HDAC9: variants seen among roughly 807,000 people sequenced by gnomAD.
HDAC9 encodes the protein histone deacetylase 9, also known as MEF-2 interacting transcription repressor (MITR) protein.
Under a neutral mutation model 139.4 loss-of-function variants are expected in HDAC9, and 41 were observed. The ratio of observed to expected loss-of-function variants is 0.29; its 90% CI spans 0.23 to 0.38. The LOEUF (loss-of-function observed/expected upper bound fraction) is 0.38. HDAC9 is among the 10% of genes least tolerant of loss of function. The pLI is 1.00. For missense variants in HDAC9, 1,147 were observed against 1,297.0 expected, an observed-to-expected ratio of 0.88 and a Z score of 1.78; for synonymous variants, 517 against 476.2, an observed-to-expected ratio of 1.09 and a Z score of -1.12.
chr7:18,881,180 T>A (rs1207040554), intron 22 of HDAC9, among the ~76,000 whole-genome samples: 2 of 152,156 alleles, frequency 1.3e-5, no homozygotes, highest in African/African-American at 4.8e-5. Context: ...CTGCTAACAA[T>A]GCGTGTACAT....
chr7:18,873,620 G>T (rs1176655263), intron 21 of HDAC9, among the ~76,000 whole-genome samples: 1 of 152,134 alleles, frequency 6.6e-6, no homozygotes, highest in East Asian at 1.9e-4. Context: ...CCACACAAGA[G>T]TGATTGTACT....
chr7:18,264,449 C>A (rs1385562867), intron 2 of HDAC9, among the ~76,000 whole-genome samples: 3 of 152,060 alleles, frequency 2.0e-5, no homozygotes, highest in Non-Finnish European at 4.4e-5. Context: ...GCAGGGTAAA[C>A]ATACATGTAT....
intron 7 of HDAC9, among the ~76,000 whole-genome samples, chr7:18,632,481 C>T (rs946361422): frequency 1.1e-4 from 16 of 151,860 alleles, no homozygotes; most frequent in Admixed American, 3.3e-4. Context: ...GAGGGACATA[C>T]GTTATATGAG....
At chr7:18,754,742 G>A (rs1484249549) in intron 14 of HDAC9, among the ~76,000 whole-genome samples, 1 of 152,102 alleles carries the variant, frequency 6.6e-6, no homozygotes, top group Non-Finnish European at 1.5e-5. Flanking sequence ...CAGTTCCAAT[G>A]AGAAAAGTGG....
At chr7:18,489,671 G>C (rs933992521) in intron 1 of HDAC9, among the ~76,000 whole-genome samples, 1 of 151,984 alleles carries the variant, frequency 6.6e-6, no homozygotes, top group African/African-American at 2.4e-5. Context: ...GGCTTGCACT[G>C]TGGCTGTGAA....
intron 1 of HDAC9, among the ~76,000 whole-genome samples, chr7:18,362,627 T>C (rs955194016): frequency 1.3e-5 from 2 of 152,210 alleles, no homozygotes; most frequent in African/African-American, 4.8e-5. Context: ...GAAATTTTTT[T>C]TAACCCTTAT....
intron 23 of HDAC9, among the ~76,000 whole-genome samples, chr7:18,946,079 A>C (rs1782383804): frequency 7.2e-6 from 1 of 139,028 alleles, no homozygotes; most frequent in African/African-American, 2.6e-5. Context: ...AAAAAAGACC[A>C]TCCATTCATT....
At position 18,864,759 on chromosome 7, in the gene HDAC9, G is replaced by A. The variant is rs143312660; in HGVS notation, c.2685-9719G>A. ...GGCTTGGAGGAAGGGGAAATGGGAAGTTATTGAGTTACTGTTTCACGGTTA... is the reference window on the plus strand; with the variant it reads ...GGCTTGGAGGAAGGGGAAATGGGAAATTATTGAGTTACTGTTTCACGGTTA... On this transcript the variant is annotated intron_variant, in intron 21 of 25. Transcript: ENST00000686413. Among the ~76,000 whole-genome samples the A allele has an allele frequency of 4.7e-3, 723 of 152,220 alleles. 6 individuals are homozygous for A. The highest frequency in any genetic ancestry group is 0.016 in the African/African-American group (685 of 41,538).
intron 8 of HDAC9, among the ~76,000 whole-genome samples, chr7:18,638,786 A>G (rs1445124722): frequency 6.6e-6 from 1 of 151,984 alleles, no homozygotes; most frequent in Non-Finnish European, 1.5e-5. Flanking sequence ...TCTATTTCCT[A>G]CATATGCTCA....
At chr7:18,404,905 T>A (rs1400219912) in intron 1 of HDAC9, among the ~76,000 whole-genome samples, 1 of 152,220 alleles carries the variant, frequency 6.6e-6, no homozygotes, top group Admixed American at 6.5e-5. Context: ...GTTGTGGGTG[T>A]CCAGAGCTCA....
At chr7:18,810,322 C>T (rs552850422) in intron 17 of HDAC9, among the ~76,000 whole-genome samples, 2 of 152,042 alleles carry the variant, frequency 1.3e-5, no homozygotes, top group East Asian at 3.9e-4. Context: ...ATCTCAATCA[C>T]ATCTGCAAAG....
rs530552176 is a variant in HDAC9 at position 18,466,935 on chromosome 7, C to G, written c.-41-29327C>G. Reference sequence around the variant, plus strand: ...TCTACCATTTATAATTTCCCTCCCTCTTTTATAAAATATCTATTCATTCTT... The same window carrying G: ...TCTACCATTTATAATTTCCCTCCCTGTTTTATAAAATATCTATTCATTCTT... On this transcript the variant is annotated intron_variant, in intron 1 of 3. Coordinates refer to the HDAC9 transcript ENST00000413509. Among the ~76,000 whole-genome samples the G allele has an allele frequency of 7.2e-5, 11 of 152,278 alleles. No individual in the cohort carries two copies. In the South Asian group the frequency reaches 2.3e-3, roughly 32 times the overall value.
At chr7:18,097,741 A>G (rs1025437180) in intron 1 of HDAC9, among the ~76,000 whole-genome samples, 3 of 151,814 alleles carry the variant, frequency 2.0e-5, no homozygotes, top group Non-Finnish European at 2.9e-5. Context: ...CTAATTTTTT[A>G]TTAGATTTTT....
intron 2 of HDAC9, among the ~76,000 whole-genome samples, chr7:18,534,253 G>T (rs1006696913): frequency 6.6e-6 from 1 of 152,178 alleles, no homozygotes; most frequent in African/African-American, 2.4e-5. Context: ...TGTGTATGTG[G>T]TTAGAAAGAA....
chr7:18,535,779 A>G (rs897202944), intron 2 of HDAC9, among the ~76,000 whole-genome samples: 1 of 151,896 alleles, frequency 6.6e-6, no homozygotes, highest in African/African-American at 2.4e-5. Context: ...ACCAAGTACA[A>G]CAGCTTTTGA....
chr7:18,496,166 T>C (rs1354634017), intron 1 of HDAC9, 96 bp from the exon 2 acceptor site: 6 of 1,449,010 alleles, frequency 4.1e-6, no homozygotes, highest in Non-Finnish European at 5.7e-6. Flanking sequence ...CTGGGGCCGG[T>C]GCACTGAGCA....
intron 6 of HDAC9, among the ~76,000 whole-genome samples, chr7:18,617,643 A>G (rs1224124651): frequency 6.6e-6 from 1 of 152,188 alleles, no homozygotes; most frequent in East Asian, 1.9e-4. Context: ...ATGCCCTGAC[A>G]TATCTCTGTG....
At chr7:18,244,559 G>C (rs1794391746) in intron 2 of HDAC9, among the ~76,000 whole-genome samples, 2 of 152,176 alleles carry the variant, frequency 1.3e-5, no homozygotes, top group Non-Finnish European at 2.9e-5. Context: ...AGCACTTTGG[G>C]AGGCCAGGGC....
chr7:18,762,601 T>C (rs1400774496), intron 15 of HDAC9, among the ~76,000 whole-genome samples: 3 of 152,238 alleles, frequency 2.0e-5, no homozygotes, highest in Non-Finnish European at 4.4e-5. Context: ...AGAAATGATT[T>C]ACACATGCTT....
Sources: gnomAD v4.1 joint callset for allele counts (sites outside exome capture counted in the v4.1 genomes callset) on GRCh38, gnomAD v4.1.1 for gene constraint, MANE v1.5 for transcripts, NCBI Gene and HGNC (gene_info 2026-07-23, HGNC 2026-07-21) for gene names.